Variants in EIF4A3 observed in about 807,000 individuals in gnomAD.
The protein encoded by EIF4A3 is eukaryotic translation initiation factor 4A3, also known as eukaryotic initiation factor 4A-III.
A neutral mutation model predicts 55.6 loss-of-function variants in EIF4A3; 1 was observed. That is an observed-to-expected ratio of 0.02 (90% CI 0.01 to 0.09). The LOEUF is 0.09. EIF4A3 is among the 10% of genes least tolerant of loss of function. The probability of loss-of-function intolerance (pLI) is 1.00; values close to 1 mark genes in which losing one functional copy is unlikely to be tolerated. For synonymous variants in EIF4A3, 194 were observed against 196.3 expected, an observed-to-expected ratio of 0.99 and a Z score of 0.10; for missense variants, 221 against 540.7, an observed-to-expected ratio of 0.41 and a Z score of 5.86.
At chr17:80,139,186 G>A in intron 6 of EIF4A3, 24 bp from the exon 7 acceptor site, 2 of 1,613,274 alleles carry the variant, frequency 1.2e-6, no homozygotes, top group Non-Finnish European at 1.7e-6. Context: ...CAAGACAGGT[G>A]AGGGATGTTT....
At position 80,140,079 on chromosome 17, in the gene EIF4A3, T is replaced by C. The variant is rs190180277; in HGVS notation, c.434A>G (p.Asn145Ser). 41 of 1,613,996 alleles carry C rather than the reference T, an allele frequency of 2.5e-5. No individual in the cohort carries two copies. The highest frequency in any genetic ancestry group is 1.7e-4 in the Middle Eastern group (1 of 6,054). The change falls in exon 5 of 12, where the codon AAT (asparagine) becomes AGT (serine). Residue 145 changes from asparagine to serine, a missense_variant. Physicochemically the swap from Asn to Ser is conservative, Grantham distance 46 (BLOSUM62 1). This residue lies in a region of EIF4A3 where 85 missense variants were observed against 205.8 expected (regional missense o/e 0.41). Coordinates refer to ENST00000649764, the MANE Select transcript of EIF4A3 (RefSeq NM_014740.4). The stretch of plus-strand genomic sequence containing the variant: ...CAGCTTCCTGATGTCCTCGCCAACA[T>C]TGGTGCCTCCAATGCAGGCATGGCA... Reference protein sequence around the residue: ...VQCHACIGGTNVGEDIRKLDY... With the variant: ...VQCHACIGGTSVGEDIRKLDY...
chr17:80,145,282 C>T (rs1227634643), intron 1 of EIF4A3, among the ~76,000 whole-genome samples: 1 of 152,148 alleles, frequency 6.6e-6, no homozygotes, highest in East Asian at 1.9e-4. Flanking sequence ...CTACAGGATA[C>T]GGCCAGGTGG....
Position 80,138,182 on chromosome 17 carries a change from G to C in EIF4A3, c.827C>G (p.Thr276Ser). Residue 276 changes from threonine (T) to serine (S), a missense_variant, in exon 8 of 12, where the codon ACC becomes AGC. Transcript: ENST00000649764. ...GCAGAAGATGACCGCCTGAGTGATG[G>C]TCAGTGTGTCGTAGAGGTCACACAG... ...DTLCDLYDTL[T>S]ITQAVIFCNT... 6.2e-7 allele frequency: 1 copy of C among 1,614,098 alleles called. No homozygotes were observed. Among genetic ancestry groups the C allele is most frequent in the Non-Finnish European group, 8.5e-7 (1 of 1,180,028 alleles).
chr17:80,138,762 A>C lies in EIF4A3; in HGVS notation c.728+259T>G. On this transcript the variant is annotated intron_variant, in intron 7 of 11. Coordinates refer to ENST00000649764, the MANE Select transcript of EIF4A3 (RefSeq NM_014740.4). Reference sequence around the variant, plus strand: ...TAGGCATGTGCCGCCCTACCTGGCTAATTTTTTATTATTGGTAGAGATACG... The same window carrying C: ...TAGGCATGTGCCGCCCTACCTGGCTCATTTTTTATTATTGGTAGAGATACG... 9.0e-6 allele frequency: 4 copies of C among 442,024 alleles called. No individual in the cohort carries two copies. In the South Asian group the frequency reaches 1.1e-4, roughly 12 times the overall value. 27.4% of individuals were successfully genotyped at this position (442,024 alleles called of 1,614,324 possible).
rs2143983050 is a variant in EIF4A3, at chr17:80,136,462, A to G, written c.984-127T>C. The G allele has an allele frequency of 7.0e-6, 5 of 715,078 alleles. No homozygotes were observed. In the South Asian group the frequency reaches 9.3e-5, roughly 13 times the overall value. The allele number at this position is 715,078 out of a possible 1,614,324, so 44.3% of individuals were successfully genotyped here. On this transcript the variant is annotated intron_variant, in intron 9 of 11. Transcript: ENST00000649764. ...AAAATATACGAGATTCTCCTCTCTC[A>G]ACAGTCTGTCTGCAAACGTGAAGCC...
chr17:80,139,432 G>A (rs1469565169), intron 6 of EIF4A3: 5 of 604,862 alleles, frequency 8.3e-6, no homozygotes, highest in Non-Finnish European at 1.1e-5. Context: ...AACCCACCCC[G>A]AGAGTCCTAG....
rs925890827 is a variant in EIF4A3, at chr17:80,136,429, G to A, written c.984-94C>T. On this transcript the variant is annotated intron_variant, in intron 9 of 11. Coordinates refer to ENST00000649764, the MANE Select transcript of EIF4A3 (RefSeq NM_014740.4). ...TTGCTAATTTTAAGGAATCCTGGCT[G>A]CAGGTCCAAAATATACGAGATTCTC... 7.1e-6 allele frequency: 7 copies of A among 991,896 alleles called. No homozygotes were observed. The African/African-American group carries it at 1.1e-4, about 16-fold the overall frequency. 61.4% of individuals were successfully genotyped at this position (991,896 alleles called of 1,614,324 possible). A position where few individuals can be genotyped will look rare whatever the true frequency, so the allele number is the denominator to read the frequency against.
At position 80,136,429 on chromosome 17, in the gene EIF4A3, G is replaced by T. The variant is rs925890827; in HGVS notation, c.984-94C>A. On this transcript the variant is annotated intron_variant, in intron 9 of 11. Transcript: ENST00000649764. ...TTGCTAATTTTAAGGAATCCTGGCTGCAGGTCCAAAATATACGAGATTCTC... is the reference window on the plus strand; with the variant it reads ...TTGCTAATTTTAAGGAATCCTGGCTTCAGGTCCAAAATATACGAGATTCTC... 1.5e-5 allele frequency: 15 copies of T among 992,010 alleles called. 1 individual carries two copies. The South Asian group carries it at 2.2e-4, about 14-fold the overall frequency. The allele number at this position is 992,010 out of a possible 1,614,324, so 61.5% of individuals were successfully genotyped here. A position where few individuals can be genotyped will look rare whatever the true frequency, so the allele number is the denominator to read the frequency against.
At position 80,135,060 on chromosome 17, in the gene EIF4A3, G is replaced by A. The variant is rs1017264766; in HGVS notation, c.*430C>T. Among the ~76,000 whole-genome samples the A allele has an allele frequency of 7.3e-5, 11 of 151,692 alleles. No individual in the cohort carries two copies. The highest frequency in any genetic ancestry group is 2.2e-4 in the African/African-American group (9 of 41,238). On this transcript the variant is annotated 3_prime_UTR_variant, in exon 12 of 12. Coordinates refer to ENST00000649764, the MANE Select transcript of EIF4A3 (RefSeq NM_014740.4). The stretch of plus-strand genomic sequence containing the variant: ...CCAGCTACGTGGGAGGCTGAGGTAG[G>A]AGAATGGCATGAACCCAGGAAGTGG...
chr17:80,139,167 GA>G lies in EIF4A3; in HGVS notation c.587-6del. ...CGTAAATCTGCTCTTTGAAACCTGG[GA>G]CAGGGAGCAAGACAGGTGAGGGATG... On this transcript the variant is annotated splice_polypyrimidine_tract_variant and splice_region_variant and intron_variant, in intron 6 of 11. Coordinates refer to ENST00000649764, the MANE Select transcript of EIF4A3 (RefSeq NM_014740.4). 1 of 1,614,012 alleles carries G rather than the reference GA, an allele frequency of 6.2e-7. No individual in the cohort carries two copies. The highest frequency in any genetic ancestry group is 1.1e-5 in the South Asian group (1 of 91,044).
chr17:80,142,817 A>G (rs2039628873), intron 2 of EIF4A3, among the ~76,000 whole-genome samples: 1 of 152,132 alleles, frequency 6.6e-6, no homozygotes, highest in Non-Finnish European at 1.5e-5. Flanking sequence ...AAGCCAAGGC[A>G]GACAGATTGC....
In EIF4A3 at chr17:80,139,316, C is replaced by T. The variant is rs145491523; in HGVS notation, c.587-154G>A. 3,507 of 990,608 alleles carry T rather than the reference C, an allele frequency of 3.5e-3. 11 individuals carry two copies. Among genetic ancestry groups the T allele is most frequent in the Non-Finnish European group, 4.2e-3 (2,882 of 690,974 alleles). The allele number at this position is 990,608 out of a possible 1,614,324, so 61.4% of individuals were successfully genotyped here. On this transcript the variant is annotated intron_variant, in intron 6 of 11. Transcript: ENST00000649764. ...TTTTTACAGCACCAGGCCACATCCA[C>T]GCGTTCTCTCCGTCCCTACTCCCCG...
Position 80,135,521 on chromosome 17 carries a change from A to G in EIF4A3, c.1220-15T>C, listed in dbSNP as rs2039563268. 2 of 1,553,444 alleles carry G rather than the reference A, an allele frequency of 1.3e-6. No individual in the cohort carries two copies. The highest frequency in any genetic ancestry group is 1.4e-5 in the African/African-American group (1 of 73,260). On this transcript the variant is annotated splice_polypyrimidine_tract_variant and intron_variant, in intron 11 of 11. Transcript: ENST00000649764. ...AAGATCAGCAACTGAAAGTGAAGAA[A>G]GAAACAGATTAAGGAACAACACAAA...
At chr17:80,140,280 G>A in intron 4 of EIF4A3, 140 bp from the exon 5 acceptor site, 1 of 1,054,948 alleles carries the variant, frequency 9.5e-7, no homozygotes, top group Non-Finnish European at 1.2e-6. Flanking sequence ...AAATTCTCCT[G>A]CTCTTTTCTC....
In EIF4A3 at chr17:80,139,032, G is replaced by A; in HGVS notation, c.717C>T (p.Ile239=). 1.9e-6 allele frequency: 3 copies of A among 1,613,982 alleles called. No homozygotes were observed. Among genetic ancestry groups the A allele is most frequent in the South Asian group, 1.1e-5 (1 of 91,074 alleles). ...TNKFMTDPIR[I]LVKRDELTLE... ...AGAGGGGCTCCTACCGTTTCACCAA[G>A]ATGCGGATTGGGTCGGTCATGAACT... Residue 239 remains isoleucine, a synonymous_variant, in exon 7 of 12, where the codon ATC becomes ATT. Coordinates refer to ENST00000649764, the MANE Select transcript of EIF4A3 (RefSeq NM_014740.4).
At chr17:80,137,995 T>C (rs1463043704) in intron 8 of EIF4A3, 147 bp downstream of exon 8, 5 of 1,069,058 alleles carry the variant, frequency 4.7e-6, no homozygotes, top group Non-Finnish European at 6.8e-6. Context: ...GCATATTGTC[T>C]ACAGCTGCTT....
intron 1 of EIF4A3, among the ~76,000 whole-genome samples, chr17:80,146,415 C>T (rs1271704031): frequency 6.6e-6 from 1 of 152,224 alleles, no homozygotes; most frequent in African/African-American, 2.4e-5. Context: ...GCTTTCCCCC[C>T]AAACGAAATT....
At position 80,135,351 on chromosome 17, in the gene EIF4A3, T is replaced by C. The variant is rs953422695; in HGVS notation, c.*139A>G. On this transcript the variant is annotated 3_prime_UTR_variant, in exon 12 of 12. Coordinates refer to ENST00000649764, the MANE Select transcript of EIF4A3 (RefSeq NM_014740.4). ...AAGAGAGCAGAATCCCCATATCCTC[T>C]TCAAAGGAAGGGAGACGGCAGGCCA... 7.9e-6 allele frequency: 7 copies of C among 888,676 alleles called. No homozygotes were observed. Among genetic ancestry groups the C allele is most frequent in the Non-Finnish European group, 1.2e-5 (7 of 602,564 alleles). The allele number at this position is 888,676 out of a possible 1,614,324, so 55.0% of individuals were successfully genotyped here.
Position 80,139,752 on chromosome 17 carries a change from T to A in EIF4A3, c.506-2A>T, listed in dbSNP as rs2143991025. On this transcript the variant is annotated splice_acceptor_variant, in intron 5 of 11. Coordinates refer to ENST00000649764, the MANE Select transcript of EIF4A3 (RefSeq NM_014740.4). LOFTEE classifies it high-confidence loss of function. ...TTAGGCTTCTGCGACGAATCATATC[T>A]ATAACATGAGATTTTGAAATACTTA... 1 of 1,612,426 alleles carries A rather than the reference T, an allele frequency of 6.2e-7. No homozygotes were observed. The highest frequency in any genetic ancestry group is 1.1e-5 in the South Asian group (1 of 90,578).
Sources: gnomAD v4.1 joint callset for allele counts (sites outside exome capture counted in the v4.1 genomes callset) on GRCh38, gnomAD v4.1.1 for gene constraint, gnomAD v4.1.1 regional missense constraint, MANE v1.5 for transcripts, NCBI Gene and HGNC (gene_info 2026-07-23, HGNC 2026-07-21) for gene names.